DLG1: variants seen among roughly 807,000 people sequenced by gnomAD.
DLG1 encodes the protein disks large homolog 1.
In DLG1, 42 loss-of-function variants were observed where a neutral mutation model predicts 123.4. The ratio of observed to expected loss-of-function variants is 0.34; its 90% CI spans 0.27 to 0.44. DLG1 has a LOEUF of 0.44. DLG1 is among the 20% of genes least tolerant of loss of function. The probability of loss-of-function intolerance (pLI) is 1.00; values close to 1 mark genes in which losing one functional copy is unlikely to be tolerated. For synonymous variants in DLG1, 317 were observed against 356.2 expected (o/e 0.89, Z 1.24); for missense variants, 942 against 1,082.6 (o/e 0.87, Z 1.82).
At chr3:197,087,332 C>CT (rs776665116) in intron 15 of DLG1, among the ~76,000 whole-genome samples, 1,446 of 139,462 alleles carry the variant, frequency 0.01, 18 homozygotes, top group African/African-American at 0.033. Flanking sequence ...TTTTTGCAGC[C>CT]TTTTTTTTTT....
chr3:197,067,660 C>T (rs565223839), intron 19 of DLG1, among the ~76,000 whole-genome samples: 6 of 147,136 alleles, frequency 4.1e-5, no homozygotes, highest in South Asian at 2.2e-4. Flanking sequence ...CGGGTTCAAG[C>T]GGTTCTCCTG....
rs543834998 is a variant in DLG1 at position 197,098,355 on chromosome 3, C to T, written c.1546+6548G>A. Among the ~76,000 whole-genome samples the T allele has an allele frequency of 2.0e-5, 3 of 152,286 alleles. No individual in the cohort carries two copies. In the South Asian group the frequency reaches 6.2e-4, roughly 32 times the overall value. The stretch of plus-strand genomic sequence containing the variant: ...CTTTCTGTGTAAAAAGAACACATTA[C>T]TTTTTAGTGATGCAGAAAAATATTC... On this transcript the variant is annotated intron_variant, in intron 14 of 24. Coordinates refer to ENST00000667157, the MANE Select transcript of DLG1 (RefSeq NM_001366207.1).
intron 9 of DLG1, among the ~76,000 whole-genome samples, chr3:197,137,675 C>T (rs184956351): frequency 6.6e-5 from 10 of 152,004 alleles, no homozygotes; most frequent in African/African-American, 2.2e-4. Context: ...CATCAATAAA[C>T]GTAAGAATTT....
chr3:197,099,503 C>T (rs1434940649), intron 14 of DLG1, among the ~76,000 whole-genome samples: 1 of 152,076 alleles, frequency 6.6e-6, no homozygotes, highest in Non-Finnish European at 1.5e-5. Flanking sequence ...TGTATCAAAC[C>T]ATATTTCTTG....
rs747468901 is a variant in DLG1, at chr3:197,069,438, ACTC to A, written c.2006-181_2006-179del. On this transcript the variant is annotated intron_variant, in intron 18 of 24. Coordinates refer to ENST00000667157, the MANE Select transcript of DLG1 (RefSeq NM_001366207.1). ...AATAAATATATATTAGCAAAGGAAAACTCCTGTAATTAAGGACAATGCCTTATT... is the reference window on the plus strand; with the variant it reads ...AATAAATATATATTAGCAAAGGAAAACTGTAATTAAGGACAATGCCTTATT... The A allele has an allele frequency of 1.4e-3, 600 of 426,218 alleles. 1 individual carries two copies. Among genetic ancestry groups the A allele is most frequent in the Non-Finnish European group, 2.2e-3 (534 of 239,524 alleles). 26.4% of individuals were successfully genotyped at this position (426,218 alleles called of 1,614,324 possible).
intron 5 of DLG1, among the ~76,000 whole-genome samples, chr3:197,186,136 G>A (rs1715827027): frequency 6.6e-6 from 1 of 152,032 alleles, no homozygotes; most frequent in African/African-American, 2.4e-5. Context: ...AAAAATCTAG[G>A]AACACCTCAT....
At chr3:197,126,468 A>T (rs1391165467) in intron 11 of DLG1, among the ~76,000 whole-genome samples, 1 of 140,234 alleles carries the variant, frequency 7.1e-6, no homozygotes, top group Non-Finnish European at 1.6e-5. Context: ...ACTCCATCTT[A>T]AAAAAAAAAA....
At chr3:197,173,245 GA>G (rs1046962004) in intron 5 of DLG1, among the ~76,000 whole-genome samples, 3 of 152,144 alleles carry the variant, frequency 2.0e-5, no homozygotes, top group African/African-American at 7.2e-5. Context: ...ATATTTTGTT[GA>G]AATGAAAATG....
chr3:197,094,835 A>G (rs1028759352), intron 14 of DLG1, among the ~76,000 whole-genome samples: 3 of 152,160 alleles, frequency 2.0e-5, no homozygotes, highest in Non-Finnish European at 2.9e-5. Context: ...TGTTCACTCC[A>G]TTGTCTTCTA....
chr3:197,083,880 G>T (rs760291032), intron 16 of DLG1, among the ~76,000 whole-genome samples: 2 of 152,144 alleles, frequency 1.3e-5, no homozygotes, highest in East Asian at 1.9e-4. Context: ...TAGCTGAGGT[G>T]GGGGGATAGC....
At chr3:197,160,906 A>G (rs2149886394) in intron 5 of DLG1, among the ~76,000 whole-genome samples, 1 of 152,298 alleles carries the variant, frequency 6.6e-6, no homozygotes, top group South Asian at 2.1e-4. Flanking sequence ...CTTTCACACC[A>G]AAGATCTTTA....
At chr3:197,255,806 G>A (rs1203164397) in intron 4 of DLG1, among the ~76,000 whole-genome samples, 2 of 151,952 alleles carry the variant, frequency 1.3e-5, no homozygotes, top group Non-Finnish European at 2.9e-5. Context: ...TCTGGGGAGG[G>A]TGGGCTGTCT....
At chr3:197,066,802 T>C in intron 19 of DLG1, 48 bp from the exon 20 acceptor site, 1 of 1,280,464 alleles carries the variant, frequency 7.8e-7, no homozygotes, top group Non-Finnish European at 1.1e-6. Context: ...AGATAATTGA[T>C]GCTAATCTAA....
chr3:197,139,960 A>G (rs953339637), intron 8 of DLG1, among the ~76,000 whole-genome samples, 180 bp downstream of exon 8: 1 of 152,260 alleles, frequency 6.6e-6, no homozygotes. Flanking sequence ...CTAAATGAAA[A>G]CAGGAACACA....
At chr3:197,152,671 G>A (rs1044868876) in intron 5 of DLG1, among the ~76,000 whole-genome samples, 1 of 148,600 alleles carries the variant, frequency 6.7e-6, no homozygotes, top group African/African-American at 2.5e-5. Flanking sequence ...GCTGAGGCAG[G>A]AGAATGGTGT....
intron 4 of DLG1, among the ~76,000 whole-genome samples, chr3:197,249,167 C>T (rs1753186416): frequency 6.6e-6 from 1 of 151,776 alleles, no homozygotes; most frequent in Non-Finnish European, 1.5e-5. Flanking sequence ...TACCTTTTAG[C>T]TAGGCTAAAA....
intron 14 of DLG1, among the ~76,000 whole-genome samples, chr3:197,099,937 G>A (rs780447492): frequency 2.0e-5 from 3 of 152,110 alleles, no homozygotes; most frequent in African/African-American, 4.8e-5. Flanking sequence ...ACCAAAACCC[G>A]TGCATGTTCA....
intron 4 of DLG1, among the ~76,000 whole-genome samples, chr3:197,213,032 C>A (rs1411599884): frequency 6.6e-6 from 1 of 152,146 alleles, no homozygotes; most frequent in Non-Finnish European, 1.5e-5. Context: ...AATAACCATT[C>A]TTATACCTAG....
intron 13 of DLG1, among the ~76,000 whole-genome samples, chr3:197,110,999 C>A (rs562181455): frequency 6.6e-6 from 1 of 152,088 alleles, no homozygotes; most frequent in Non-Finnish European, 1.5e-5. Context: ...CAAGGATACA[C>A]GGAGGTTTTC....
Sources: gnomAD v4.1 joint callset for allele counts (sites outside exome capture counted in the v4.1 genomes callset) on GRCh38, gnomAD v4.1.1 for gene constraint, MANE v1.5 for transcripts, NCBI Gene and HGNC (gene_info 2026-07-23, HGNC 2026-07-21) for gene names.